EPB41L4A: variants seen among roughly 807,000 people sequenced by gnomAD.
The protein encoded by EPB41L4A is erythrocyte membrane protein band 4.1 like 4A.
In EPB41L4A, 100 loss-of-function variants were observed where a neutral mutation model predicts 108.6. The ratio of observed to expected loss-of-function variants is 0.92; its 90% CI spans 0.78 to 1.09. EPB41L4A has a LOEUF of 1.09. Among genes scored for constraint, EPB41L4A ranks in the 50% least tolerant of loss-of-function variants. The pLI is 0.00. For missense variants in EPB41L4A, 1,030 were observed against 842.7 expected, an observed-to-expected ratio of 1.22 and a Z score of -2.75; for synonymous variants, 319 against 289.0, an observed-to-expected ratio of 1.10 and a Z score of -1.05.
At chr5:112,324,256 T>C (rs1034324810) in intron 1 of EPB41L4A, among the ~76,000 whole-genome samples, 1 of 152,232 alleles carries the variant, frequency 6.6e-6, no homozygotes, top group Admixed American at 6.5e-5. Context: ...GGGGGATATT[T>C]ATTTTTAATT....
intron 12 of EPB41L4A, among the ~76,000 whole-genome samples, chr5:112,152,755 A>G (rs1289679724): frequency 6.6e-6 from 1 of 152,224 alleles, no homozygotes; most frequent in Non-Finnish European, 1.5e-5. Flanking sequence ...AGGAAAAAAG[A>G]TAAAGCACAC....
At chr5:112,371,564 T>C (rs556556585) in intron 1 of EPB41L4A, among the ~76,000 whole-genome samples, 3 of 152,250 alleles carry the variant, frequency 2.0e-5, no homozygotes, top group African/African-American at 7.2e-5. Context: ...TGTAACTGCA[T>C]TGGAGGAACC....
intron 9 of EPB41L4A, among the ~76,000 whole-genome samples, chr5:112,245,973 G>T (rs1265860665): frequency 6.6e-6 from 1 of 152,220 alleles, no homozygotes; most frequent in Non-Finnish European, 1.5e-5. Flanking sequence ...GAAATCTTCC[G>T]AGGCCTTTGT....
At position 112,194,581 on chromosome 5, in the gene EPB41L4A, T is replaced by A; in HGVS notation, c.1489A>T (p.Lys497Ter). 6.3e-7 allele frequency: 1 copy of A among 1,593,298 alleles called. No individual in the cohort carries two copies. The highest frequency in any genetic ancestry group is 8.6e-7 in the Non-Finnish European group (1 of 1,164,806). The change falls in exon 17 of 23, where the codon AAA becomes TAA. Residue 497 changes from lysine (K) to a stop codon, truncating the protein, a stop_gained. Transcript: ENST00000261486. LOFTEE classifies it high-confidence loss of function. The stretch of plus-strand genomic sequence containing the variant: ...TTGAGATATTACCTGTTTCTCTTTT[T>A]CCGGTATTCTCTATTAGAATTTTCT... Reference protein sequence around the residue: ...ESENSNREYRKKRNRIRQEND... With the variant: ...ESENSNREYR
At chr5:112,153,048 G>T (rs1027404738) in intron 12 of EPB41L4A, among the ~76,000 whole-genome samples, 2 of 151,186 alleles carry the variant, frequency 1.3e-5, no homozygotes, top group Admixed American at 1.3e-4. Context: ...GTGAAACCAT[G>T]TCTCTAATAA....
chr5:112,360,559 T>C (rs922673501), intron 1 of EPB41L4A, among the ~76,000 whole-genome samples: 231 of 152,222 alleles, frequency 1.5e-3, no homozygotes, highest in African/African-American at 5.1e-3. Context: ...GCAGACGGAG[T>C]CTCGCTCACT....
chr5:112,307,467 G>A lies in EPB41L4A; in HGVS notation c.123C>T (p.Val41=), dbSNP rs1188671378. Residue 41 remains valine, a synonymous_variant, in exon 2 of 23, where the codon GTC becomes GTT. Transcript: ENST00000261486. ...GIKKSTKGSV[V]LDHVFHHVNL... Reference sequence around the variant, plus strand: ...TTACGTGATGGAATACGTGGTCAAGGACAACGGAACCTTTCGTTGACTTCT... The same window carrying A: ...TTACGTGATGGAATACGTGGTCAAGAACAACGGAACCTTTCGTTGACTTCT... The A allele has an allele frequency of 6.2e-7, 1 of 1,612,804 alleles. No homozygotes were observed. The highest frequency in any genetic ancestry group is 8.5e-7 in the Non-Finnish European group (1 of 1,179,190).
intron 4 of EPB41L4A, among the ~76,000 whole-genome samples, chr5:112,267,344 T>A (rs1419117447): frequency 6.6e-6 from 1 of 152,172 alleles, no homozygotes; most frequent in Non-Finnish European, 1.5e-5. Flanking sequence ...ATATTAAATA[T>A]CTCTTCTCCA....
At chr5:112,392,121 T>A (rs1030306101) in intron 1 of EPB41L4A, among the ~76,000 whole-genome samples, 1 of 152,116 alleles carries the variant, frequency 6.6e-6, no homozygotes, top group Non-Finnish European at 1.5e-5. Context: ...TGCAAAAACA[T>A]GCCAAACTGT....
intron 12 of EPB41L4A, among the ~76,000 whole-genome samples, chr5:112,224,444 T>C (rs1425509007): frequency 6.6e-6 from 1 of 152,208 alleles, no homozygotes; most frequent in Admixed American, 6.5e-5. Context: ...TCATATTTGG[T>C]CCTTCCAACT....
At chr5:112,180,609 T>C (rs1580378787) in intron 18 of EPB41L4A, among the ~76,000 whole-genome samples, 1 of 147,252 alleles carries the variant, frequency 6.8e-6, no homozygotes, top group Non-Finnish European at 1.5e-5. Flanking sequence ...TAGAAAAAGA[T>C]ATAAGACTAT....
chr5:112,339,966 T>C (rs915228355), intron 1 of EPB41L4A, among the ~76,000 whole-genome samples: 1 of 152,124 alleles, frequency 6.6e-6, no homozygotes, highest in Non-Finnish European at 1.5e-5. Context: ...CCTAGACTAG[T>C]TAATCACTCA....
At chr5:112,261,884 A>ACT (rs1561520311) in intron 7 of EPB41L4A, among the ~76,000 whole-genome samples, 1 of 124,304 alleles carries the variant, frequency 8.0e-6, no homozygotes, top group African/African-American at 3.1e-5. Flanking sequence ...ATTACACACC[A>ACT]ATTTTTTTTT....
chr5:112,149,177 C>G (rs190936630), intron 12 of EPB41L4A, among the ~76,000 whole-genome samples: 2 of 152,202 alleles, frequency 1.3e-5, no homozygotes, highest in Admixed American at 1.3e-4. Flanking sequence ...GATCAAGTTA[C>G]TTTAAGAAAG....
intron 18 of EPB41L4A, among the ~76,000 whole-genome samples, chr5:112,179,413 C>T (rs1031825791): frequency 2.6e-5 from 4 of 151,908 alleles, no homozygotes; most frequent in African/African-American, 9.7e-5. Flanking sequence ...TTCACAAAAA[C>T]AAAGAAAAAA....
At chr5:112,152,991 G>GGT (rs1009542781) in intron 12 of EPB41L4A, among the ~76,000 whole-genome samples, 1 of 152,140 alleles carries the variant, frequency 6.6e-6, no homozygotes, top group African/African-American at 2.4e-5. Context: ...GGCTAAGGCG[G>GGT]GTGGATAGCT....
chr5:112,203,687 T>A (rs1454630012), intron 15 of EPB41L4A, among the ~76,000 whole-genome samples: 1 of 152,218 alleles, frequency 6.6e-6, no homozygotes, highest in Non-Finnish European at 1.5e-5. Flanking sequence ...TAAAAAGGCT[T>A]ATCTTTAAGT....
rs1482833442 is a variant in EPB41L4A at position 112,239,661 on chromosome 5, T to C, written c.964A>G (p.Ser322Gly). The change falls in exon 11 of 23, where the codon AGT becomes GGT. Residue 322 changes from serine to glycine, a missense_variant and splice_region_variant. Transcript: ENST00000261486. The stretch of plus-strand genomic sequence containing the variant: ...CCCAAGGAAAAAAATGTCATTTACC[T>C]GTAGCGGTGCTTATAACGTATGGAT... ...FGSIRYKHRY[S>G]GRTALQMSRD... 6 of 1,594,474 alleles carry C rather than the reference T, an allele frequency of 3.8e-6. No individual in the cohort carries two copies. Among genetic ancestry groups the C allele is most frequent in the African/African-American group, 2.7e-5 (2 of 74,160 alleles).
intron 1 of EPB41L4A, among the ~76,000 whole-genome samples, chr5:112,338,069 T>A (rs1249143999): frequency 6.6e-6 from 1 of 152,164 alleles, no homozygotes. Context: ...TCCACATCCC[T>A]GCCTCTTACC....
Sources: allele counts gnomAD v4.1 joint callset (sites outside exome capture counted in the v4.1 genomes callset), GRCh38; gene constraint gnomAD v4.1.1; transcripts MANE v1.5; gene names NCBI Gene and HGNC (gene_info 2026-07-23, HGNC 2026-07-21).